KLHDC7B: variants seen among roughly 807,000 people sequenced by gnomAD.
KLHDC7B encodes the protein kelch domain-containing protein 7B.
A neutral mutation model predicts 0.6 loss-of-function variants in KLHDC7B; 1 was observed. That is an observed-to-expected ratio of 1.71 (90% CI 0.61 to 8.11). The LOEUF is 8.11. Ranked by LOEUF, KLHDC7B falls within the 30% of genes most tolerant of loss-of-function variation. The pLI is 0.13. For missense variants in KLHDC7B, 993 were observed against 894.9 expected (o/e 1.11, Z -1.40); for synonymous variants, 462 against 405.2 (o/e 1.14, Z -1.68).
In KLHDC7B at chr22:50,548,093, C is replaced by T; in HGVS notation, c.1850C>T (p.Pro617Leu). The T allele has an allele frequency of 1.4e-6, 2 of 1,440,700 alleles. No individual in the cohort carries two copies. Among genetic ancestry groups the T allele is most frequent in the Non-Finnish European group, 1.8e-6 (2 of 1,098,960 alleles). The allele number at this position is 1,440,700 out of a possible 1,614,324, so 89.2% of individuals were successfully genotyped here. ...ASPAPADGSK[P>L]QESVALPRRY... Reference sequence around the variant, plus strand: ...CCTGCCCCAGCTGACGGGTCAAAGCCTCAGGAGAGTGTGGCTCTCCCCAGG... The same window carrying T: ...CCTGCCCCAGCTGACGGGTCAAAGCTTCAGGAGAGTGTGGCTCTCCCCAGG... Residue 617 changes from proline to leucine, a missense_variant, in exon 1 of 1, where the codon CCT becomes CTT. Transcript: ENST00000648057. The surrounding 1 kb of genome is among the most constrained non-coding windows in gnomAD (Gnocchi z 5.3).
chr22:50,550,137 T>TCA lies in KLHDC7B; in HGVS notation c.*187_*188insAC. On this transcript the variant is annotated 3_prime_UTR_variant, in exon 1 of 1. Coordinates refer to ENST00000648057, the MANE Select transcript of KLHDC7B (RefSeq NM_138433.5). ...GAAGCCCAGACTCCCTCAGCCTCTT[T>TCA]CTGCCCCTCACTCCACACCCAGACT... The TCA allele has an allele frequency of 3.3e-6, 2 of 607,302 alleles. No homozygotes were observed. The highest frequency in any genetic ancestry group is 5.7e-6 in the Non-Finnish European group (2 of 353,738). The allele number at this position is 607,302 out of a possible 1,614,324, so 37.6% of individuals were successfully genotyped here.
rs1569030546 is a variant in KLHDC7B at position 50,549,382 on chromosome 22, C to CTGCT, written c.1217_1220dup (p.Tyr408AlafsTer181). Reference sequence around the variant, plus strand: ...GCTCAAGCTGGTGGCCCTGGACGGGCTGCTCTATGCCATCGGTGGCGAATG... The same window carrying CTGCT: ...GCTCAAGCTGGTGGCCCTGGACGGGCTGCTTGCTCTATGCCATCGGTGGCGAATG... On this transcript the variant is annotated frameshift_variant, in exon 1 of 1. Coordinates refer to the KLHDC7B transcript ENST00000395676. LOFTEE classifies it low-confidence loss of function (END_TRUNC). 2.0e-5 allele frequency: 32 copies of CTGCT among 1,612,836 alleles called. No homozygotes were observed. The highest frequency in any genetic ancestry group is 2.5e-5 in the Non-Finnish European group (29 of 1,179,926).
rs767713227 is a variant in KLHDC7B, at chr22:50,548,749, G to A, written c.2506G>A (p.Val836Met). Residue 836 changes from valine to methionine, a missense_variant, in exon 1 of 1, where the codon GTG (valine) becomes ATG (methionine). Transcript: ENST00000648057. The surrounding 1 kb of genome is among the most constrained non-coding windows in gnomAD (Gnocchi z 5.3). ...GCAGAGGCCCGGGGGTTGGGGGGTGGTGGAGGGGCCCCGGAAGCCCAGCTC... is the reference window on the plus strand; with the variant it reads ...GCAGAGGCCCGGGGGTTGGGGGGTGATGGAGGGGCCCCGGAAGCCCAGCTC... ...FLQRPGGWGV[V>M]EGPRKPSSRA... 2.8e-5 allele frequency: 41 copies of A among 1,456,268 alleles called. 1 individual carries two copies. The Admixed American group carries it at 9.1e-4, about 32-fold the overall frequency. 90.2% of individuals were successfully genotyped at this position (1,456,268 alleles called of 1,614,324 possible). A position where few individuals can be genotyped will look rare whatever the true frequency, so the allele number is the denominator to read the frequency against.
chr22:50,549,744 G>GGCCCCC lies in KLHDC7B; in HGVS notation c.3501_3502insGCCCCC (p.Leu1167_Pro1168insAlaPro). ...GGAGCAGGGCTGCCTCCCTGCCCCT[G>GGCCCCC]CCCGCCCCCGCCCCACTGCACTGCA... On this transcript the variant is annotated inframe_insertion, in exon 1 of 1. Transcript: ENST00000648057. The GGCCCCC allele has an allele frequency of 1.3e-6, 2 of 1,554,532 alleles. No individual in the cohort carries two copies. Among genetic ancestry groups the GGCCCCC allele is most frequent in the Non-Finnish European group, 1.7e-6 (2 of 1,152,354 alleles).
rs529537700 is a variant in KLHDC7B, at chr22:50,549,603, T to C, written c.3360T>C (p.Ser1120=). 2.2e-5 allele frequency: 35 copies of C among 1,562,900 alleles called. No individual in the cohort carries two copies. In the South Asian group the frequency reaches 3.9e-4, roughly 18 times the overall value. The change falls in exon 1 of 1, where the codon AGT becomes AGC. Residue 1120 remains serine, a synonymous_variant. Transcript: ENST00000648057. ...VKDAWDECPY[S]ASHRRSSDIV... ...ATGCTTGGGACGAGTGCCCATACAG[T>C]GCCAGCCACCGGCGTTCCAGCGACA...
chr22:50,550,115 G>C lies in KLHDC7B; in HGVS notation c.*164G>C. On this transcript the variant is annotated 3_prime_UTR_variant, in exon 1 of 1. Transcript: ENST00000648057. ...TTTAAAGGTTGTCGATTATTTTGAA[G>C]CCCAGACTCCCTCAGCCTCTTTCTG... 4.2e-6 allele frequency: 3 copies of C among 719,268 alleles called. No individual in the cohort carries two copies. Among genetic ancestry groups the C allele is most frequent in the Non-Finnish European group, 6.7e-6 (3 of 451,064 alleles). The allele number at this position is 719,268 out of a possible 1,614,324, so 44.6% of individuals were successfully genotyped here. A position where few individuals can be genotyped will look rare whatever the true frequency, so the allele number is the denominator to read the frequency against.
chr22:50,549,016 G>A lies in KLHDC7B; in HGVS notation c.2773G>A (p.Gly925Ser). ...LRTGRGRAVL[G>S]VLVLPSLYQG... is the part of the protein sequence containing the mutation. ...GACCGGCCGGGGCCGGGCGGTGCTG[G>A]GCGTCCTCGTACTGCCCAGCCTCTA... The change falls in exon 1 of 1, where the codon GGC (glycine) becomes AGC (serine). Residue 925 changes from glycine to serine, a missense_variant. Coordinates refer to ENST00000648057, the MANE Select transcript of KLHDC7B (RefSeq NM_138433.5). 1 of 1,596,760 alleles carries A rather than the reference G, an allele frequency of 6.3e-7. No individual in the cohort carries two copies. The highest frequency in any genetic ancestry group is 2.2e-5 in the East Asian group (1 of 44,704).
At position 50,547,568 on chromosome 22, in the gene KLHDC7B, A is replaced by T. The variant is rs1039087103; in HGVS notation, c.1325A>T (p.Asp442Val). The T allele has an allele frequency of 5.0e-6, 2 of 399,606 alleles. No individual in the cohort carries two copies. Among genetic ancestry groups the T allele is most frequent in the Non-Finnish European group, 8.8e-6 (2 of 226,570 alleles). 24.8% of individuals were successfully genotyped at this position (399,606 alleles called of 1,614,324 possible). Residue 442 changes from aspartate (D) to valine (V), a missense_variant, in exon 1 of 1, where the codon GAC (aspartate) becomes GTC (valine). Transcript: ENST00000648057. ...PEALTLPSPS[D>V]FLPLEVTQDP... ...GCCCTGACTCTCCCCTCTCCTTCAG[A>T]CTTTTTGCCCCTGGAGGTTACCCAG...
In KLHDC7B at chr22:50,548,131, G is replaced by A; in HGVS notation, c.1888G>A (p.Gly630Arg). The A allele has an allele frequency of 1.4e-6, 2 of 1,467,604 alleles. No individual in the cohort carries two copies. The highest frequency in any genetic ancestry group is 9.0e-7 in the Non-Finnish European group (1 of 1,107,318). 90.9% of individuals were successfully genotyped at this position (1,467,604 alleles called of 1,614,324 possible). A position where few individuals can be genotyped will look rare whatever the true frequency, so the allele number is the denominator to read the frequency against. ...GGCTCTCCCCAGGCGCTACCAGGAGGGGCAGGTCTCAGCCAGCTGGGGAAA... is the reference window on the plus strand; with the variant it reads ...GGCTCTCCCCAGGCGCTACCAGGAGAGGCAGGTCTCAGCCAGCTGGGGAAA... Reference protein sequence around the residue: ...SVALPRRYQEGQVSASWGNLI... With the variant: ...SVALPRRYQERQVSASWGNLI... Residue 630 changes from glycine to arginine, a missense_variant, in exon 1 of 1, where the codon GGG becomes AGG. By Grantham distance (125) the Gly-to-Arg change is moderately radical. Coordinates refer to ENST00000648057, the MANE Select transcript of KLHDC7B (RefSeq NM_138433.5). The surrounding 1 kb of genome is among the most constrained non-coding windows in gnomAD (Gnocchi z 5.3).
At position 50,549,086 on chromosome 22, in the gene KLHDC7B, A is replaced by G. The variant is rs369572373; in HGVS notation, c.2843A>G (p.Glu948Gly). 2 of 1,600,092 alleles carry G rather than the reference A, an allele frequency of 1.2e-6. No individual in the cohort carries two copies. The highest frequency in any genetic ancestry group is 1.7e-6 in the Non-Finnish European group (2 of 1,179,374). The change falls in exon 1 of 1, where the codon GAG becomes GGG. Residue 948 changes from glutamate to glycine, a missense_variant. Physicochemically the swap from Glu to Gly is moderately conservative, Grantham distance 98. Coordinates refer to ENST00000648057, the MANE Select transcript of KLHDC7B (RefSeq NM_138433.5). ...CTCCCCAGGGGCCCTCGTGGCGAGGAGCCTCCTGCGGCGGCCCCTGTGTCC... is the reference window on the plus strand; with the variant it reads ...CTCCCCAGGGGCCCTCGTGGCGAGGGGCCTCCTGCGGCGGCCCCTGTGTCC... The part of the protein sequence containing the change: ...SGLPRGPRGE[E>G]PPAAAPVSLP...
Position 50,548,050 on chromosome 22 carries a change from C to G in KLHDC7B, c.1807C>G (p.Pro603Ala). The G allele has an allele frequency of 8.3e-7, 1 of 1,204,222 alleles. No homozygotes were observed. Among genetic ancestry groups the G allele is most frequent in the Non-Finnish European group, 1.1e-6 (1 of 942,072 alleles). 74.6% of individuals were successfully genotyped at this position (1,204,222 alleles called of 1,614,324 possible). Residue 603 changes from proline to alanine, a missense_variant, in exon 1 of 1, where the codon CCA (proline) becomes GCA (alanine). Pro to Ala is a conservative substitution (Grantham distance 27). Transcript: ENST00000648057. The surrounding 1 kb of genome is among the most constrained non-coding windows in gnomAD (Gnocchi z 5.3). ...PAPAPTSAPT[P>A]TPAASPAPAD... is the part of the protein sequence containing the mutation. ...CCCAGCCCCCACCTCAGCCCCAACCCCAACCCCAGCCGCATCCCCTGCCCC... is the reference window on the plus strand; with the variant it reads ...CCCAGCCCCCACCTCAGCCCCAACCGCAACCCCAGCCGCATCCCCTGCCCC...
In KLHDC7B at chr22:50,547,993, A is replaced by G. The variant is rs1249622011; in HGVS notation, c.1750A>G (p.Thr584Ala). 2.0e-6 allele frequency: 1 copy of G among 489,940 alleles called. No homozygotes were observed. The allele number at this position is 489,940 out of a possible 1,614,324, so 30.3% of individuals were successfully genotyped here. Reference sequence around the variant, plus strand: ...AACCCCAGCCCTAAGCCCAGCTCCAACTCCAGCCCCAACCCCAGCCGCATC... The same window carrying G: ...AACCCCAGCCCTAAGCCCAGCTCCAGCTCCAGCCCCAACCCCAGCCGCATC... ...VPTPALSPAP[T>A]PAPTPAASPA... Residue 584 changes from threonine to alanine, a missense_variant, in exon 1 of 1, where the codon ACT becomes GCT. Coordinates refer to ENST00000648057, the MANE Select transcript of KLHDC7B (RefSeq NM_138433.5).
Position 50,549,603 on chromosome 22 carries a change from T to G in KLHDC7B, c.3360T>G (p.Ser1120Arg). ...VKDAWDECPY[S>R]ASHRRSSDIV... ...ATGCTTGGGACGAGTGCCCATACAG[T>G]GCCAGCCACCGGCGTTCCAGCGACA... is the stretch of plus-strand genomic sequence containing the variant. The change falls in exon 1 of 1, where the codon AGT becomes AGG. Residue 1120 changes from serine to arginine, a missense_variant. Transcript: ENST00000648057. 1 of 1,562,900 alleles carries G rather than the reference T, an allele frequency of 6.4e-7. No individual in the cohort carries two copies. The highest frequency in any genetic ancestry group is 8.7e-7 in the Non-Finnish European group (1 of 1,150,626).
In KLHDC7B at chr22:50,549,655, C is replaced by G; in HGVS notation, c.3412C>G (p.Arg1138Gly). ...CGTGGCACTGGGGGGCTTCCTGTAC[C>G]GCTTCGACCTGCTGCGGGGCGTGGG... Reference protein sequence around the residue: ...DIVALGGFLYRFDLLRGVGAA... With the variant: ...DIVALGGFLYGFDLLRGVGAA... The change falls in exon 1 of 1, where the codon CGC (arginine) becomes GGC (glycine). Residue 1138 changes from arginine to glycine, a missense_variant. Arg to Gly is a moderately radical substitution (Grantham distance 125). Transcript: ENST00000648057. The G allele has an allele frequency of 6.4e-7, 1 of 1,556,332 alleles. No individual in the cohort carries two copies. Among genetic ancestry groups the G allele is most frequent in the South Asian group, 1.2e-5 (1 of 82,792 alleles).
At position 50,548,038 on chromosome 22, in the gene KLHDC7B, TCAGCCCCAACCCCAACCC is replaced by T. The variant is rs1431505179; in HGVS notation, c.1801_1818del (p.Pro601_Ala606del). ...CGCATCCCCTGCCCCAGCCCCCACCTCAGCCCCAACCCCAACCCCAGCCGCATCCCCTGCCCCAGCTGA... is the reference window on the plus strand; with the variant it reads ...CGCATCCCCTGCCCCAGCCCCCACCTCAGCCGCATCCCCTGCCCCAGCTGA... On this transcript the variant is annotated inframe_deletion, in exon 1 of 1. Transcript: ENST00000648057. The surrounding 1 kb of genome is among the most constrained non-coding windows in gnomAD (Gnocchi z 5.3). 2.4e-5 allele frequency: 2 copies of T among 83,310 alleles called. No homozygotes were observed. Among genetic ancestry groups the T allele is most frequent in the Admixed American group, 2.1e-4 (1 of 4,852 alleles). 5.2% of individuals were successfully genotyped at this position (83,310 alleles called of 1,614,324 possible).
rs1039251947 is a variant in KLHDC7B, at chr22:50,549,411, G to A, written c.3168G>A (p.Leu1056=). ...GLLYAIGGEC[L]YSMECYDPRT... ...TCTATGCCATCGGTGGCGAATGCCTGTACAGCATGGAGTGCTACGACCCGC... is the reference window on the plus strand; with the variant it reads ...TCTATGCCATCGGTGGCGAATGCCTATACAGCATGGAGTGCTACGACCCGC... The change falls in exon 1 of 1, where the codon CTG becomes CTA. Residue 1056 remains leucine, a synonymous_variant. Coordinates refer to ENST00000648057, the MANE Select transcript of KLHDC7B (RefSeq NM_138433.5). 2.5e-6 allele frequency: 4 copies of A among 1,612,810 alleles called. No individual in the cohort carries two copies. Among genetic ancestry groups the A allele is most frequent in the Non-Finnish European group, 3.4e-6 (4 of 1,179,940 alleles).
Position 50,548,891 on chromosome 22 carries a change from C to A in KLHDC7B, c.2648C>A (p.Thr883Asn). 1 of 1,580,774 alleles carries A rather than the reference C, an allele frequency of 6.3e-7. No individual in the cohort carries two copies. The highest frequency in any genetic ancestry group is 8.6e-7 in the Non-Finnish European group (1 of 1,165,108). ...QHGEPGLAQE[T>N]YALMSDNLLR... is the part of the protein sequence containing the mutation. ...GGAGAGCCCGGCCTGGCGCAGGAGACCTACGCGCTGATGAGCGACAACCTG... is the reference window on the plus strand; with the variant it reads ...GGAGAGCCCGGCCTGGCGCAGGAGAACTACGCGCTGATGAGCGACAACCTG... Residue 883 changes from threonine (T) to asparagine (N), a missense_variant, in exon 1 of 1, where the codon ACC (threonine) becomes AAC (asparagine). By Grantham distance (65) the Thr-to-Asn change is moderately conservative (BLOSUM62 0). Transcript: ENST00000648057. The surrounding 1 kb of genome is among the most constrained non-coding windows in gnomAD (Gnocchi z 5.3).
In KLHDC7B at chr22:50,545,986, G is replaced by T. The variant is rs1603442538; in HGVS notation, c.-258G>T. On this transcript the variant is annotated 5_prime_UTR_variant, in exon 1 of 1. Transcript: ENST00000648057. ...CTACGAGGAGGAGAAGAGGGCAGGA[G>T]CTGGTGGGGTGCTTGCAGAGACCCT... 8.3e-6 allele frequency among the ~76,000 whole-genome samples: 1 copy of T among 120,562 alleles called. No individual in the cohort carries two copies. The allele number at this position is 120,562 out of a possible 152,430, so 79.1% of individuals were successfully genotyped here. A position where few individuals can be genotyped will look rare whatever the true frequency, so the allele number is the denominator to read the frequency against.
Position 50,549,740 on chromosome 22 carries a change from C to G in KLHDC7B, c.3497C>G (p.Pro1166Arg), listed in dbSNP as rs1158540982. Reference sequence around the variant, plus strand: ...TCCTGGAGCAGGGCTGCCTCCCTGCCCCTGCCCGCCCCCGCCCCACTGCAC... The same window carrying G: ...TCCTGGAGCAGGGCTGCCTCCCTGCGCCTGCCCGCCCCCGCCCCACTGCAC... ...TGSWSRAASL[P>R]LPAPAPLHCT... The change falls in exon 1 of 1, where the codon CCC becomes CGC. Residue 1166 changes from proline (P) to arginine (R), a missense_variant. Physicochemically the swap from Pro to Arg is moderately radical, Grantham distance 103 (BLOSUM62 -2). Coordinates refer to ENST00000648057, the MANE Select transcript of KLHDC7B (RefSeq NM_138433.5). 1 of 1,590,434 alleles carries G rather than the reference C, an allele frequency of 6.3e-7. No homozygotes were observed. The highest frequency in any genetic ancestry group is 8.5e-7 in the Non-Finnish European group (1 of 1,170,974).
Sources: allele counts gnomAD v4.1 joint callset (sites outside exome capture counted in the v4.1 genomes callset), GRCh38; gene constraint gnomAD v4.1.1; non-coding constraint Gnocchi (gnomAD v3.1); transcripts MANE v1.5; gene names NCBI Gene and HGNC (gene_info 2026-07-23, HGNC 2026-07-21).